Variants in STK32B observed in about 807,000 individuals in gnomAD.
The protein encoded by STK32B is serine/threonine-protein kinase 32B.
In STK32B, 43 loss-of-function variants were observed where a neutral mutation model predicts 52.6. The ratio of observed to expected loss-of-function variants is 0.82; its 90% CI spans 0.64 to 1.05. The LOEUF (loss-of-function observed/expected upper bound fraction) is 1.05, where lower values mean the gene tolerates loss of function less well. Among genes scored for constraint, STK32B ranks in the 50% least tolerant of loss-of-function variants. The pLI, the probability that STK32B is intolerant of heterozygous loss-of-function variation, is 0.00. For synonymous variants in STK32B, 238 were observed against 204.3 expected, an observed-to-expected ratio of 1.17 and a Z score of -1.41; for missense variants, 621 against 534.6, an observed-to-expected ratio of 1.16 and a Z score of -1.59.
chr4:5,483,916 T>C (rs182077449), intron 11 of STK32B, among the ~76,000 whole-genome samples: 262 of 152,206 alleles, frequency 1.7e-3, no homozygotes, highest in East Asian at 0.011. Context: ...GTTTCTTAAT[T>C]CTGAGTTCTA....
intron 2 of STK32B, among the ~76,000 whole-genome samples, chr4:5,141,720 A>G (rs890447984): frequency 1.3e-5 from 2 of 152,098 alleles, no homozygotes; most frequent in African/African-American, 4.8e-5. Context: ...TATTTTGAAA[A>G]TGTCACCAAA....
chr4:5,062,887 A>T (rs1185577403), intron 1 of STK32B, among the ~76,000 whole-genome samples: 4 of 152,272 alleles, frequency 2.6e-5, no homozygotes, highest in African/African-American at 9.6e-5. Flanking sequence ...TTCACTCAAG[A>T]TTACACTTCT....
Position 5,298,825 on chromosome 4 carries a change from C to G in STK32B, c.261-32395C>G, listed in dbSNP as rs180886932. On this transcript the variant is annotated intron_variant, in intron 3 of 11. Transcript: ENST00000282908. ...TTCTGTCTCACTGGGGTTCCAGGTGCCACTGGGGTATGCAAAAAAAAAAAA... is the reference window on the plus strand; with the variant it reads ...TTCTGTCTCACTGGGGTTCCAGGTGGCACTGGGGTATGCAAAAAAAAAAAA... 5.0e-3 allele frequency among the ~76,000 whole-genome samples: 739 copies of G among 148,526 alleles called. 8 individuals are homozygous for G. Among genetic ancestry groups the G allele is most frequent in the South Asian group, 0.017 (80 of 4,690 alleles).
chr4:5,230,700 G>A (rs573723884), intron 3 of STK32B, among the ~76,000 whole-genome samples: 1 of 152,340 alleles, frequency 6.6e-6, no homozygotes, highest in East Asian at 1.9e-4. Context: ...GAGATGTGGT[G>A]TTGAAGCAGC....
At chr4:5,331,907 A>G (rs1192064074) in intron 4 of STK32B, among the ~76,000 whole-genome samples, 1 of 152,140 alleles carries the variant, frequency 6.6e-6, no homozygotes, top group East Asian at 1.9e-4. Flanking sequence ...CAGCAGTGCC[A>G]TGTCCTACAC....
chr4:5,063,532 G>A (rs992758401), intron 1 of STK32B, among the ~76,000 whole-genome samples: 3 of 151,916 alleles, frequency 2.0e-5, no homozygotes, highest in African/African-American at 4.8e-5. Context: ...TAGTAGAGAC[G>A]GGGTTTCACC....
intron 2 of STK32B, chr4:5,140,217 C>A: frequency 6.7e-7 from 1 of 1,483,298 alleles, no homozygotes; most frequent in Non-Finnish European, 9.0e-7. Flanking sequence ...GCCGTTTGTT[C>A]CTTGAGAATC....
intron 1 of STK32B, among the ~76,000 whole-genome samples, chr4:5,083,323 G>A (rs900440732): frequency 1.3e-5 from 2 of 152,100 alleles, no homozygotes; most frequent in African/African-American, 4.8e-5. Context: ...TTTGGTTTAT[G>A]GAGTGTGTTG....
chr4:5,302,157 A>T (rs1444277952), intron 3 of STK32B, among the ~76,000 whole-genome samples: 2 of 151,618 alleles, frequency 1.3e-5, no homozygotes, highest in African/African-American at 4.8e-5. Flanking sequence ...GTATGTGTGT[A>T]TGTGTTTTAG....
chr4:5,366,998 A>C (rs541982229), intron 4 of STK32B, among the ~76,000 whole-genome samples: 1 of 152,258 alleles, frequency 6.6e-6, no homozygotes, highest in South Asian at 2.1e-4. Context: ...GATTAAAATG[A>C]TAGTAAGTAG....
At chr4:5,098,935 C>T (rs1307966906) in intron 1 of STK32B, among the ~76,000 whole-genome samples, 1 of 152,198 alleles carries the variant, frequency 6.6e-6, no homozygotes, top group Non-Finnish European at 1.5e-5. Context: ...CCTATTGCTG[C>T]CATAACAAAC....
At chr4:5,293,249 CAT>C (rs1173904186) in intron 3 of STK32B, among the ~76,000 whole-genome samples, 2 of 151,962 alleles carry the variant, frequency 1.3e-5, no homozygotes, top group East Asian at 1.9e-4. Context: ...CTGCAAAAAA[CAT>C]GTGTGCATGT....
chr4:5,410,729 TCTGA>T, intron 5 of STK32B, among the ~76,000 whole-genome samples: 1 of 152,332 alleles, frequency 6.6e-6, no homozygotes, highest in South Asian at 2.1e-4. Flanking sequence ...TCAATACTCC[TCTGA>T]CTATTATGAT....
rs531837229 is a variant in STK32B, at chr4:5,234,246, T to C, written c.260+65796T>C. On this transcript the variant is annotated intron_variant, in intron 3 of 11. Coordinates refer to ENST00000282908, the MANE Select transcript of STK32B (RefSeq NM_018401.3). ...ACTAGCTTATGTACAAGTTAGATAC[T>C]CTTACTGTTCTTGTTTTTTCTCATC... 2.6e-5 allele frequency among the ~76,000 whole-genome samples: 4 copies of C among 152,336 alleles called. No homozygotes were observed. In the East Asian group the frequency reaches 7.7e-4, roughly 29 times the overall value.
the STK32B span, among the ~76,000 whole-genome samples, chr4:5,044,324 T>C: frequency 6.6e-6 from 1 of 152,096 alleles, no homozygotes; most frequent in Non-Finnish European, 1.5e-5. Flanking sequence ...GTAATTCCTA[T>C]TGTCAACTTC....
chr4:5,356,757 G>T (rs943209956), intron 4 of STK32B, among the ~76,000 whole-genome samples: 11 of 152,134 alleles, frequency 7.2e-5, no homozygotes, highest in Non-Finnish European at 1.3e-4. Flanking sequence ...AGCACTTTGG[G>T]AAACCGAGGC....
At chr4:5,452,176 A>G (rs1333241022) in intron 7 of STK32B, among the ~76,000 whole-genome samples, 7 of 152,108 alleles carry the variant, frequency 4.6e-5, no homozygotes, top group African/African-American at 1.4e-4. Context: ...TCACCCATCA[A>G]CCACCTCCCT....
chr4:5,034,955 G>A, the STK32B span, among the ~76,000 whole-genome samples: 2 of 152,202 alleles, frequency 1.3e-5, no homozygotes, highest in African/African-American at 4.8e-5. Flanking sequence ...TTTGAATGGT[G>A]CTAACAATGC....
rs536575669 is a variant in STK32B at position 5,235,729 on chromosome 4, C to T, written c.260+67279C>T. On this transcript the variant is annotated intron_variant, in intron 3 of 11. Coordinates refer to ENST00000282908, the MANE Select transcript of STK32B (RefSeq NM_018401.3). Reference sequence around the variant, plus strand: ...CTCATTTTGCTAAAAATAGAGTCTTCGATTTGAACCTTTGAACCCAGCAGC... The same window carrying T: ...CTCATTTTGCTAAAAATAGAGTCTTTGATTTGAACCTTTGAACCCAGCAGC... Among the ~76,000 whole-genome samples, 46 of 152,282 alleles carry T rather than the reference C, an allele frequency of 3.0e-4. 1 individual carries two copies. In the South Asian group the frequency reaches 6.6e-3, roughly 22 times the overall value.
Sources: allele counts gnomAD v4.1 joint callset (sites outside exome capture counted in the v4.1 genomes callset), GRCh38; gene constraint gnomAD v4.1.1; transcripts MANE v1.5; gene names NCBI Gene and HGNC (gene_info 2026-07-23, HGNC 2026-07-21).